Variants in OR56A3 observed in about 807,000 individuals in gnomAD.
OR56A3 encodes olfactory receptor family 56 subfamily A member 3.
OR56A3 carries 23 observed loss-of-function variants against 17.5 expected under a neutral mutation model. The observed-to-expected ratio is 1.32, with a 90% confidence interval of 0.95 to 1.87. The LOEUF (loss-of-function observed/expected upper bound fraction) is 1.87. OR56A3 is among the 40% of genes most tolerant of loss of function. OR56A3 has a pLI of 0.00. For missense variants in OR56A3, 366 were observed against 380.1 expected (o/e 0.96, Z 0.31); for synonymous variants, 175 against 150.6 (o/e 1.16, Z -1.19).
chr11:5,980,611 T>G, the OR56A3 span, among the ~76,000 whole-genome samples: 1 of 152,280 alleles, frequency 6.6e-6, no homozygotes, highest in Non-Finnish European at 1.5e-5. Context: ...CAGCATATAG[T>G]TGGGTCTTGC....
downstream of OR56A3, among the ~76,000 whole-genome samples, chr11:5,955,065 G>A (rs1847925704): frequency 6.6e-6 from 1 of 152,160 alleles, no homozygotes; most frequent in South Asian, 2.1e-4. Flanking sequence ...GATTAATGGG[G>A]ACCTTAAACA....
At chr11:5,985,749 C>A in the OR56A3 span, 2 of 554,246 alleles carry the variant, frequency 3.6e-6, no homozygotes, top group Non-Finnish European at 6.2e-6. Context: ...CAAAAATATT[C>A]ACAAATCCAG....
downstream of OR56A3, among the ~76,000 whole-genome samples, chr11:5,955,524 T>C (rs1221835156): frequency 6.6e-6 from 1 of 152,102 alleles, no homozygotes; most frequent in East Asian, 1.9e-4. Context: ...AGAGCAGGAA[T>C]GAAAGGAAGT....
chr11:5,949,746 C>T lies in OR56A3; in HGVS notation c.*1452C>T, dbSNP rs556849765. 7 of 152,158 alleles carry T rather than the reference C, an allele frequency of 4.6e-5. No individual in the cohort carries two copies. The highest frequency in any genetic ancestry group is 2.1e-4 in the South Asian group (1 of 4,818). The allele number at this position is 152,158 out of a possible 1,614,324, so 9.4% of individuals were successfully genotyped here. On this transcript the variant is annotated 3_prime_UTR_variant, in exon 3 of 3. Coordinates refer to ENST00000641160, the MANE Select transcript of OR56A3 (RefSeq NM_001003443.3). ...AAGCAGAATTCCGCAGAGCTCTCTC[C>T]GTTCATTTCTCTTCTCCATCTTGCA...
chr11:6,001,136 T>G, the OR56A3 span: 1 of 152,160 alleles, frequency 6.6e-6, no homozygotes, highest in African/African-American at 2.4e-5. Context: ...AACCTAGAAC[T>G]TTCATGTCTG....
downstream of OR56A3, among the ~76,000 whole-genome samples, chr11:5,954,385 T>C (rs943318473): frequency 2.0e-5 from 3 of 152,118 alleles, no homozygotes; most frequent in Non-Finnish European, 2.9e-5. Flanking sequence ...TGTTTTGTCA[T>C]TGTTATTTAT....
At chr11:5,998,692 G>C in the OR56A3 span, among the ~76,000 whole-genome samples, 92,887 of 152,016 alleles carry the variant, frequency 0.61, 28,863 homozygotes, top group South Asian at 0.77. Context: ...AAATATGTAA[G>C]ACAGCATTTA....
the OR56A3 span, among the ~76,000 whole-genome samples, chr11:6,007,820 G>A: frequency 5.9e-5 from 9 of 152,168 alleles, no homozygotes; most frequent in African/African-American, 2.2e-4. Context: ...CCAGTTGAGG[G>A]GAGCAGAGAG....
chr11:5,951,386 A>G (rs1375932792), downstream of OR56A3: 1 of 152,068 alleles, frequency 6.6e-6, no homozygotes, highest in East Asian at 1.9e-4. Flanking sequence ...CTATTTAACT[A>G]TTTTTTGCTG....
At chr11:6,008,343 G>A in the OR56A3 span, among the ~76,000 whole-genome samples, 1 of 152,096 alleles carries the variant, frequency 6.6e-6, no homozygotes, top group Non-Finnish European at 1.5e-5. Context: ...CAAGGACAAT[G>A]GAAGCATCAA....
the OR56A3 span, among the ~76,000 whole-genome samples, chr11:6,016,231 T>C: frequency 1.3e-5 from 2 of 152,180 alleles, 1 homozygote; most frequent in Admixed American, 1.3e-4. Flanking sequence ...TGCTTCTGTT[T>C]TGCCTTCCTC....
chr11:5,986,344 T>C, the OR56A3 span: 2 of 1,614,010 alleles, frequency 1.2e-6, no homozygotes, highest in African/African-American at 1.3e-5. Flanking sequence ...ATGTTCACAA[T>C]AGGCATGGCC....
chr11:5,970,791 C>T, the OR56A3 span, among the ~76,000 whole-genome samples: 25 of 152,046 alleles, frequency 1.6e-4, no homozygotes, highest in East Asian at 3.5e-3. Context: ...CTTTCTCTCC[C>T]GAATCCACTA....
At chr11:5,976,984 C>T in the OR56A3 span, among the ~76,000 whole-genome samples, 3 of 152,128 alleles carry the variant, frequency 2.0e-5, no homozygotes, top group Admixed American at 6.5e-5. Flanking sequence ...TTTTCTGTTC[C>T]TGCATTCACT....
the OR56A3 span, among the ~76,000 whole-genome samples, chr11:5,993,083 G>A: frequency 2.0e-5 from 3 of 152,188 alleles, no homozygotes; most frequent in African/African-American, 4.8e-5. Flanking sequence ...GAAGGGAGGT[G>A]TGGGGATAGG....
intron 1 of OR56A3, among the ~76,000 whole-genome samples, chr11:5,942,827 C>T (rs2134359233): frequency 6.6e-6 from 1 of 152,266 alleles, no homozygotes; most frequent in East Asian, 1.9e-4. Context: ...AGGTATCTTA[C>T]AGGCCTGCCT....
chr11:5,968,588 C>T, the OR56A3 span: 1 of 936,246 alleles, frequency 1.1e-6, no homozygotes, highest in Non-Finnish European at 1.6e-6. Context: ...AAAATATTTG[C>T]TAACATTTTC....
At chr11:5,994,977 G>T in the OR56A3 span, 3 of 698,956 alleles carry the variant, frequency 4.3e-6, no homozygotes, top group Middle Eastern at 3.5e-4. Flanking sequence ...GCAGCCAGGC[G>T]CCCGGACCCC....
At chr11:5,995,308 A>G in the OR56A3 span, among the ~76,000 whole-genome samples, 1 of 152,184 alleles carries the variant, frequency 6.6e-6, no homozygotes, top group Non-Finnish European at 1.5e-5. Flanking sequence ...TGCACTTTAC[A>G]CTTATAGCGT....
Sources: allele counts gnomAD v4.1 joint callset (sites outside exome capture counted in the v4.1 genomes callset), GRCh38; gene constraint gnomAD v4.1.1; transcripts MANE v1.5; gene names NCBI Gene and HGNC (gene_info 2026-07-23, HGNC 2026-07-21).